The following RAB3C variants were observed in gnomAD, a reference collection of about 807,000 sequenced individuals.
RAB3C encodes the protein RAB3C, member RAS oncogene family, also known as ras-related protein Rab-3C.
A neutral mutation model predicts 26.4 loss-of-function variants in RAB3C; 17 were observed. The observed-to-expected ratio is 0.64, with a 90% confidence interval of 0.44 to 0.97. The LOEUF (loss-of-function observed/expected upper bound fraction) is 0.97. Ranked by LOEUF, RAB3C falls within the 50% of genes least tolerant of loss-of-function variation. RAB3C has a pLI of 0.00. For missense variants in RAB3C, 242 were observed against 281.9 expected, an observed-to-expected ratio of 0.86 and a Z score of 1.01; for synonymous variants, 91 against 95.9, an observed-to-expected ratio of 0.95 and a Z score of 0.30.
At chr5:58,677,691 A>G (rs995915958) in intron 2 of RAB3C, among the ~76,000 whole-genome samples, 2 of 152,226 alleles carry the variant, frequency 1.3e-5, no homozygotes, top group Non-Finnish European at 2.9e-5. Context: ...TGTTAAGTTT[A>G]TAACTAGAAG....
chr5:58,788,396 C>G (rs1424669565), intron 3 of RAB3C: 1 of 152,224 alleles, frequency 6.6e-6, no homozygotes, highest in Non-Finnish European at 1.5e-5. Flanking sequence ...GGTCCATTTC[C>G]ATCTCATCCT....
intron 2 of RAB3C, among the ~76,000 whole-genome samples, chr5:58,663,264 T>G (rs1747942022): frequency 6.7e-6 from 1 of 150,090 alleles, no homozygotes; most frequent in South Asian, 2.1e-4. Flanking sequence ...TTTGCTTTTA[T>G]CTGTAGACAT....
chr5:58,800,205 A>G lies in RAB3C; in HGVS notation c.372-24833A>G, dbSNP rs73757981. On this transcript the variant is annotated intron_variant, in intron 3 of 4. Transcript: ENST00000282878. ...TCTTATTTAAATGTCTTCAGTCAAT[A>G]TAACTAGTCATAAAGCAAACTCATT... is the stretch of plus-strand genomic sequence containing the variant. Among the ~76,000 whole-genome samples the G allele has an allele frequency of 8.5e-3, 1,291 of 152,336 alleles. 22 individuals are homozygous for G. Among genetic ancestry groups the G allele is most frequent in the African/African-American group, 0.03 (1,236 of 41,576 alleles).
chr5:58,835,794 A>G (rs1301063734), intron 4 of RAB3C, among the ~76,000 whole-genome samples: 2 of 152,232 alleles, frequency 1.3e-5, no homozygotes, highest in Non-Finnish European at 2.9e-5. Context: ...GTCAGATATA[A>G]GAAATATAAA....
At chr5:58,798,750 A>G (rs114456644) in intron 3 of RAB3C, among the ~76,000 whole-genome samples, 2,070 of 152,258 alleles carry the variant, frequency 0.014, 21 homozygotes, top group South Asian at 0.033. Context: ...ATCTGGAAAA[A>G]CATTTGAAAT....
chr5:58,684,953 G>C (rs897699915), intron 2 of RAB3C, among the ~76,000 whole-genome samples: 1 of 152,062 alleles, frequency 6.6e-6, no homozygotes, highest in Non-Finnish European at 1.5e-5. Flanking sequence ...ATGTGTTACT[G>C]GTAATATATT....
intron 2 of RAB3C, among the ~76,000 whole-genome samples, chr5:58,696,132 A>G (rs1748692833): frequency 6.6e-6 from 1 of 152,198 alleles, no homozygotes; most frequent in Admixed American, 6.5e-5. Context: ...TTTAGCAGGA[A>G]GAGCTGTTGA....
rs146859698 is a variant in RAB3C at position 58,808,975 on chromosome 5, T to C, written c.372-16063T>C. ...CCAAATTTGGTAGCCATGGATTTCTTTATCTCCAGTGCATTTGCATTAACA... is the reference window on the plus strand; with the variant it reads ...CCAAATTTGGTAGCCATGGATTTCTCTATCTCCAGTGCATTTGCATTAACA... On this transcript the variant is annotated intron_variant, in intron 3 of 4. Transcript: ENST00000282878. Among the ~76,000 whole-genome samples, 471 of 152,336 alleles carry C rather than the reference T, an allele frequency of 3.1e-3. 1 individual carries two copies. Among genetic ancestry groups the C allele is most frequent in the African/African-American group, 0.011 (443 of 41,574 alleles).
chr5:58,608,166 GTGTAC>G (rs1430739938), intron 1 of RAB3C, among the ~76,000 whole-genome samples: 1 of 152,118 alleles, frequency 6.6e-6, no homozygotes, highest in African/African-American at 2.4e-5. Flanking sequence ...AAACCCATCA[GTGTAC>G]TGTATTCAGG....
intron 2 of RAB3C, chr5:58,689,335 T>C (rs1365657276): frequency 6.6e-6 from 1 of 152,130 alleles, no homozygotes; most frequent in Non-Finnish European, 1.5e-5. Flanking sequence ...CTAAAGGTAA[T>C]TTTCACAATG....
At chr5:58,682,535 T>C (rs369016587) in intron 2 of RAB3C, among the ~76,000 whole-genome samples, 39 of 151,668 alleles carry the variant, frequency 2.6e-4, no homozygotes, top group African/African-American at 9.5e-4. Context: ...ATACAAAAAA[T>C]TAGCCGGGCG....
intron 3 of RAB3C, among the ~76,000 whole-genome samples, chr5:58,778,899 G>A (rs937017432): frequency 6.6e-6 from 1 of 152,018 alleles, no homozygotes; most frequent in African/African-American, 2.4e-5. Flanking sequence ...TCACTTCTAA[G>A]CCTACTGCAA....
intron 2 of RAB3C, among the ~76,000 whole-genome samples, chr5:58,676,503 C>T (rs180694608): frequency 1.3e-5 from 2 of 150,920 alleles, no homozygotes; most frequent in East Asian, 1.9e-4. Context: ...ACTCTGTTGC[C>T]AAAAAAAATA....
chr5:58,748,508 C>A (rs535391416), intron 3 of RAB3C, among the ~76,000 whole-genome samples: 87 of 152,216 alleles, frequency 5.7e-4, no homozygotes, highest in African/African-American at 1.9e-3. Context: ...TAAAACTACT[C>A]AACTCTTTAA....
chr5:58,729,256 G>A lies in RAB3C; in HGVS notation c.371+3136G>A, dbSNP rs977072525. 6.6e-5 allele frequency among the ~76,000 whole-genome samples: 10 copies of A among 151,290 alleles called. No homozygotes were observed. In the East Asian group the frequency reaches 1.2e-3, roughly 18 times the overall value. On this transcript the variant is annotated intron_variant, in intron 3 of 4. Coordinates refer to ENST00000282878, the MANE Select transcript of RAB3C (RefSeq NM_138453.4). Reference sequence around the variant, plus strand: ...CTTATTTTTTTCTCATTTCTTTATCGTGGTAAAATATATATAACATAAGAT... The same window carrying A: ...CTTATTTTTTTCTCATTTCTTTATCATGGTAAAATATATATAACATAAGAT...
chr5:58,691,757 A>G (rs1250545885), intron 2 of RAB3C, among the ~76,000 whole-genome samples: 1 of 152,166 alleles, frequency 6.6e-6, no homozygotes, highest in Admixed American at 6.6e-5. Context: ...TTTTTGCATA[A>G]TGCACTTTTG....
At chr5:58,594,396 C>T (rs1746200142) in intron 1 of RAB3C, among the ~76,000 whole-genome samples, 1 of 152,112 alleles carries the variant, frequency 6.6e-6, no homozygotes, top group African/African-American at 2.4e-5. Flanking sequence ...ACACAGCACA[C>T]CTGTGATGTG....
chr5:58,776,470 A>G (rs1157156343), intron 3 of RAB3C, among the ~76,000 whole-genome samples: 1 of 152,106 alleles, frequency 6.6e-6, no homozygotes, highest in Non-Finnish European at 1.5e-5. Context: ...CAACAAAGCT[A>G]GTCTTAGCCT....
rs1157573648 is a variant in RAB3C, at chr5:58,857,671, T to A, written c.*6320T>A. On this transcript the variant is annotated 3_prime_UTR_variant, in exon 5 of 5. Transcript: ENST00000282878. ...TGGGAATTCTAAAATACCAATGTAT[T>A]TTTAGGTTGTAGCTAATGTTGTATT... 6.6e-6 allele frequency: 1 copy of A among 152,180 alleles called. No individual in the cohort carries two copies. The highest frequency in any genetic ancestry group is 2.4e-5 in the African/African-American group (1 of 41,460). 9.4% of individuals were successfully genotyped at this position (152,180 alleles called of 1,614,324 possible).
Sources: allele counts gnomAD v4.1 joint callset (sites outside exome capture counted in the v4.1 genomes callset), GRCh38; gene constraint gnomAD v4.1.1; transcripts MANE v1.5; gene names NCBI Gene and HGNC (gene_info 2026-07-23, HGNC 2026-07-21).